The following AOAH variants were observed in gnomAD, a reference collection of about 807,000 sequenced individuals.
The protein encoded by AOAH is acyloxyacyl hydrolase, also known as acyloxyacyl hydrolase (neutrophil).
AOAH carries 64 observed loss-of-function variants against 92.2 expected under a neutral mutation model. The observed-to-expected ratio is 0.69, with a 90% confidence interval of 0.57 to 0.86. AOAH has a LOEUF of 0.86. Ranked by LOEUF, AOAH falls within the 40% of genes least tolerant of loss-of-function variation. The pLI, the probability that AOAH is intolerant of heterozygous loss-of-function variation, is 0.00. For missense variants in AOAH, 656 were observed against 694.6 expected, an observed-to-expected ratio of 0.94 and a Z score of 0.62; for synonymous variants, 263 against 254.5, an observed-to-expected ratio of 1.03 and a Z score of -0.32.
In AOAH at chr7:36,694,612, A is replaced by AT. The variant is rs994177515; in HGVS notation, c.128-7819dup. 2.1e-4 allele frequency among the ~76,000 whole-genome samples: 32 copies of AT among 152,210 alleles called. 1 individual carries two copies. The highest frequency in any genetic ancestry group is 7.7e-4 in the African/African-American group (32 of 41,448). ...TTATCTTAAGGTGTGCTTTATATACATTTTTGTCTAATGTTGGAGCTGAGA... is the reference window on the plus strand; with the variant it reads ...TTATCTTAAGGTGTGCTTTATATACATTTTTTGTCTAATGTTGGAGCTGAGA... On this transcript the variant is annotated intron_variant, in intron 1 of 20. Coordinates refer to ENST00000617537, the MANE Select transcript of AOAH (RefSeq NM_001637.4).
intron 1 of AOAH, among the ~76,000 whole-genome samples, chr7:36,694,554 C>G (rs1254755733): frequency 6.6e-6 from 1 of 152,118 alleles, no homozygotes; most frequent in Non-Finnish European, 1.5e-5. Context: ...TTTCAATACA[C>G]TTTTGTCTAT....
intron 13 of AOAH, among the ~76,000 whole-genome samples, chr7:36,554,882 G>A (rs1404103845): frequency 6.7e-6 from 1 of 149,720 alleles, no homozygotes; most frequent in East Asian, 1.9e-4. Flanking sequence ...AGGAGATTTT[G>A]GGCTGAGACA....
chr7:36,670,340 A>G (rs1474722510), intron 3 of AOAH, among the ~76,000 whole-genome samples: 1 of 152,206 alleles, frequency 6.6e-6, no homozygotes, highest in Non-Finnish European at 1.5e-5. Flanking sequence ...CATTTCTATC[A>G]GCTCACAACT....
chr7:36,640,137 C>T (rs1021661716), intron 4 of AOAH, among the ~76,000 whole-genome samples: 1 of 151,982 alleles, frequency 6.6e-6, no homozygotes, highest in African/African-American at 2.4e-5. Flanking sequence ...AAGCCAGGGC[C>T]GGGGCTGCAG....
At chr7:36,545,752 C>T (rs1224405591) in intron 15 of AOAH, among the ~76,000 whole-genome samples, 1 of 152,184 alleles carries the variant, frequency 6.6e-6, no homozygotes, top group Non-Finnish European at 1.5e-5. Flanking sequence ...GGGGCTAGTG[C>T]TAGATGCTTG....
At chr7:36,568,884 A>T (rs999443652) in intron 13 of AOAH, among the ~76,000 whole-genome samples, 1 of 152,156 alleles carries the variant, frequency 6.6e-6, no homozygotes, top group Admixed American at 6.5e-5. Flanking sequence ...AAGTCCAAAG[A>T]AGAGAACAAG....
At chr7:36,558,184 T>C (rs1299455058) in intron 13 of AOAH, among the ~76,000 whole-genome samples, 1 of 152,192 alleles carries the variant, frequency 6.6e-6, no homozygotes, top group East Asian at 1.9e-4. Flanking sequence ...CCTTTCTGTT[T>C]GTTAGTTTTC....
At chr7:36,574,533 G>A (rs1012150707) in intron 13 of AOAH, among the ~76,000 whole-genome samples, 10 of 152,162 alleles carry the variant, frequency 6.6e-5, no homozygotes, top group Admixed American at 2.6e-4. Context: ...AAGTGATGTC[G>A]ACTTTGCACA....
chr7:36,668,814 G>T (rs1163980531), intron 3 of AOAH, among the ~76,000 whole-genome samples: 1 of 152,224 alleles, frequency 6.6e-6, no homozygotes, highest in Non-Finnish European at 1.5e-5. Flanking sequence ...AAAGATCTAT[G>T]AAGTATTGTT....
chr7:36,579,625 G>T (rs962851015), intron 12 of AOAH, among the ~76,000 whole-genome samples: 1 of 152,134 alleles, frequency 6.6e-6, no homozygotes, highest in Non-Finnish European at 1.5e-5. Flanking sequence ...TTCCAAAACT[G>T]AAGAACTTGG....
chr7:36,649,412 G>A (rs1271220232), intron 4 of AOAH, among the ~76,000 whole-genome samples: 6 of 152,132 alleles, frequency 3.9e-5, no homozygotes. Flanking sequence ...GATTTCCTAG[G>A]CCAACTAAGA....
At chr7:36,607,855 C>T (rs1791124150) in intron 11 of AOAH, among the ~76,000 whole-genome samples, 1 of 152,132 alleles carries the variant, frequency 6.6e-6, no homozygotes, top group East Asian at 1.9e-4. Context: ...GGCAGATATC[C>T]AAAGCTGACT....
intron 13 of AOAH, among the ~76,000 whole-genome samples, chr7:36,569,580 T>TATCC (rs1222765872): frequency 6.7e-6 from 1 of 148,376 alleles, no homozygotes; most frequent in Non-Finnish European, 1.5e-5. Flanking sequence ...TCTATCTATC[T>TATCC]ATCTATCTAT....
chr7:36,515,660 A>C (rs1583701735), intron 20 of AOAH, among the ~76,000 whole-genome samples: 5 of 94,846 alleles, frequency 5.3e-5, no homozygotes, highest in African/African-American at 1.7e-4. Context: ...CCACACACAC[A>C]CCACACCCCT....
At chr7:36,596,165 C>T (rs1208020683) in intron 11 of AOAH, among the ~76,000 whole-genome samples, 1 of 129,202 alleles carries the variant, frequency 7.7e-6, no homozygotes, top group South Asian at 2.3e-4. Flanking sequence ...AAATGAAAGC[C>T]CCCCCACCCC....
rs145235413 is a variant in AOAH, at chr7:36,576,645, T to C, written c.950A>G (p.Lys317Arg). Residue 317 changes from lysine (K) to arginine (R), a missense_variant, in exon 13 of 21, where the codon AAA (lysine) becomes AGA (arginine). Transcript: ENST00000617537. Reference protein sequence around the residue: ...FLDSTVGIKEKSIYLRLWKRN... With the variant: ...FLDSTVGIKERSIYLRLWKRN... ...TTTCCATAAGCGAAGGTAAATAGAT[T>C]TTTCTTTAATTCTGAAACAAATATA... The C allele has an allele frequency of 4.1e-5, 63 of 1,549,198 alleles. No homozygotes were observed. The African/African-American group carries it at 7.7e-4, about 19-fold the overall frequency.
At chr7:36,719,900 C>T (rs1261805683) in intron 1 of AOAH, among the ~76,000 whole-genome samples, 1 of 151,458 alleles carries the variant, frequency 6.6e-6, no homozygotes, top group Non-Finnish European at 1.5e-5. Context: ...TGTACCACTG[C>T]ACTGTAGCCT....
At chr7:36,591,011 T>G (rs4437537) in intron 12 of AOAH, among the ~76,000 whole-genome samples, 36,382 of 152,126 alleles carry the variant, frequency 0.24, 5,367 homozygotes, top group African/African-American at 0.41. Context: ...CATAGCAAAT[T>G]ATGATCCCAC....
chr7:36,717,746 T>A (rs1799323748), intron 1 of AOAH, among the ~76,000 whole-genome samples: 1 of 143,192 alleles, frequency 7.0e-6, no homozygotes, highest in Non-Finnish European at 1.5e-5. Flanking sequence ...TTTTTTTGCT[T>A]AGCCTAGTTT....
Sources: allele counts gnomAD v4.1 joint callset (sites outside exome capture counted in the v4.1 genomes callset), GRCh38; gene constraint gnomAD v4.1.1; transcripts MANE v1.5; gene names NCBI Gene and HGNC (gene_info 2026-07-23, HGNC 2026-07-21).